The following TMEM260 variants were observed in gnomAD, a reference collection of about 807,000 sequenced individuals.
TMEM260 encodes the protein protein O-mannosyl-transferase TMEM260.
In TMEM260, 82 loss-of-function variants were observed where a neutral mutation model predicts 88.9. That is an observed-to-expected ratio of 0.92 (90% CI 0.77 to 1.11). The LOEUF is 1.11. Among genes scored for constraint, TMEM260 ranks in the 50% least tolerant of loss-of-function variants. The pLI is 0.00. For synonymous variants in TMEM260, 314 were observed against 309.3 expected (o/e 1.02, Z -0.16); for missense variants, 902 against 853.4 (o/e 1.06, Z -0.71).
the TMEM260 span, among the ~76,000 whole-genome samples, chr14:56,659,010 A>G: frequency 1.3e-5 from 2 of 152,228 alleles, no homozygotes; most frequent in Admixed American, 6.5e-5. Context: ...GATTACAGGC[A>G]TGAGCCATCA....
intron 3 of TMEM260, among the ~76,000 whole-genome samples, chr14:56,601,823 TG>T (rs1162744922): frequency 6.6e-6 from 1 of 152,154 alleles, no homozygotes; most frequent in East Asian, 1.9e-4. Context: ...CTCTTTAAGC[TG>T]GCTCCTGTGT....
chr14:56,595,688 A>C (rs994686647), intron 3 of TMEM260, among the ~76,000 whole-genome samples: 2 of 152,014 alleles, frequency 1.3e-5, no homozygotes, highest in Non-Finnish European at 2.9e-5. Context: ...AAATCTCACT[A>C]TGTTGCCCAG....
chr14:56,634,636 G>A (rs977878791), intron 13 of TMEM260, among the ~76,000 whole-genome samples: 3 of 152,150 alleles, frequency 2.0e-5, no homozygotes, highest in Non-Finnish European at 4.4e-5. Context: ...GAGGTCAGGA[G>A]TTTGAAACCA....
chr14:56,590,828 T>C (rs912233434), intron 3 of TMEM260, among the ~76,000 whole-genome samples: 1 of 152,226 alleles, frequency 6.6e-6, no homozygotes, highest in Non-Finnish European at 1.5e-5. Context: ...TAATTTGCCA[T>C]GGAGCTTGGA....
At chr14:56,630,800 A>G (rs1278037689) in intron 12 of TMEM260, among the ~76,000 whole-genome samples, 2 of 152,148 alleles carry the variant, frequency 1.3e-5, no homozygotes, top group Non-Finnish European at 2.9e-5. Flanking sequence ...TTAAATCCCA[A>G]GGAGAATGAT....
chr14:56,655,610 G>C, the TMEM260 span, among the ~76,000 whole-genome samples: 4 of 152,064 alleles, frequency 2.6e-5, no homozygotes, highest in African/African-American at 9.7e-5. Context: ...ATAAATAGTT[G>C]ATTTAAAGAG....
At chr14:56,655,142 A>G (rs1261982972), downstream of TMEM260, among the ~76,000 whole-genome samples, 1 of 152,158 alleles carries the variant, frequency 6.6e-6, no homozygotes, top group Non-Finnish European at 1.5e-5. Context: ...CTGTAATCCC[A>G]GCACTTTGGG....
At position 56,649,054 on chromosome 14, in the gene TMEM260, C is replaced by A. The variant is rs1425930527; in HGVS notation, c.*1557C>A. ...TCCATTCTCTGGATTTGAAGATGTC[C>A]ATTGGAGCCTGCAGTGCCTGGACAG... On this transcript the variant is annotated 3_prime_UTR_variant, in exon 16 of 16. Coordinates refer to ENST00000261556, the MANE Select transcript of TMEM260 (RefSeq NM_017799.4). The A allele has an allele frequency of 6.6e-6, 1 of 152,666 alleles. No homozygotes were observed. 9.5% of individuals were successfully genotyped at this position (152,666 alleles called of 1,614,324 possible).
intron 13 of TMEM260, 100 bp downstream of exon 13, chr14:56,633,271 T>A: frequency 1.1e-6 from 1 of 890,828 alleles, no homozygotes; most frequent in Non-Finnish European, 1.7e-6. Flanking sequence ...TTTTTTTTTA[T>A]TAATTGTTAA....
At chr14:56,592,257 T>A (rs997968668) in intron 3 of TMEM260, among the ~76,000 whole-genome samples, 2 of 152,208 alleles carry the variant, frequency 1.3e-5, no homozygotes, top group African/African-American at 4.8e-5. Context: ...GGAAATATTT[T>A]AAATTTTTTT....
At position 56,612,839 on chromosome 14, in the gene TMEM260, G is replaced by A. The variant is rs79813974; in HGVS notation, c.857+554G>A. 750 of 152,206 alleles carry A rather than the reference G, an allele frequency of 4.9e-3. 12 individuals are homozygous for A. Among genetic ancestry groups the A allele is most frequent in the Admixed American group, 0.043 (650 of 15,286 alleles). 9.4% of individuals were successfully genotyped at this position (152,206 alleles called of 1,614,324 possible). ...GCTTAAAATGAGCAATAAACACAAC[G>A]GTGAATATTAGAATACTATATAGAG... On this transcript the variant is annotated intron_variant, in intron 7 of 15. Transcript: ENST00000261556.
chr14:56,636,274 G>C (rs764653495), intron 14 of TMEM260, among the ~76,000 whole-genome samples: 1 of 152,094 alleles, frequency 6.6e-6, no homozygotes, highest in East Asian at 1.9e-4. Context: ...AGTGATAAGT[G>C]TAAGCTTTTT....
At position 56,636,598 on chromosome 14, in the gene TMEM260, C is replaced by T. The variant is rs151228858; in HGVS notation, c.1869C>T (p.Asp623=). 4.3e-4 allele frequency: 697 copies of T among 1,612,784 alleles called. No individual in the cohort carries two copies. The highest frequency in any genetic ancestry group is 1.4e-3 in the East Asian group (62 of 44,860). Residue 623 remains aspartate, a splice_region_variant and synonymous_variant, in exon 15 of 16, where the codon GAC becomes GAT. Coordinates refer to ENST00000261556, the MANE Select transcript of TMEM260 (RefSeq NM_017799.4). ...VKAQLYAQAY[D]LYKEIVYLQK... Reference sequence around the variant, plus strand: ...CTCAACTCTACGCTCAAGCATATGACGTATGTTACACTTTTATATGTAGAT... The same window carrying T: ...CTCAACTCTACGCTCAAGCATATGATGTATGTTACACTTTTATATGTAGAT...
At chr14:56,629,233 T>G (rs1417239807) in intron 12 of TMEM260, among the ~76,000 whole-genome samples, 1 of 151,514 alleles carries the variant, frequency 6.6e-6, no homozygotes, top group Non-Finnish European at 1.5e-5. Context: ...TTATTGAGAT[T>G]TTTTACTATA....
chr14:56,611,061 G>T (rs1226632878), intron 6 of TMEM260, among the ~76,000 whole-genome samples: 1 of 150,802 alleles, frequency 6.6e-6, no homozygotes, highest in African/African-American at 2.4e-5. Flanking sequence ...CCACCTCCTG[G>T]GTTCAAGTGA....
the TMEM260 span, among the ~76,000 whole-genome samples, chr14:56,659,583 G>T: frequency 1.3e-5 from 2 of 152,172 alleles, no homozygotes; most frequent in Admixed American, 6.5e-5. Flanking sequence ...GGGAGGCTCC[G>T]GAGAGGCCGA....
intron 15 of TMEM260, among the ~76,000 whole-genome samples, chr14:56,646,488 G>A (rs1175062794): frequency 3.3e-5 from 5 of 151,260 alleles, no homozygotes; most frequent in South Asian, 2.1e-4. Flanking sequence ...TTGTGTCTGC[G>A]TTTTTGTTTG....
At chr14:56,597,966 T>C (rs556929565) in intron 3 of TMEM260, among the ~76,000 whole-genome samples, 59 of 152,270 alleles carry the variant, frequency 3.9e-4, no homozygotes, top group African/African-American at 1.3e-3. Flanking sequence ...TTGTACATGT[T>C]GACATTGAGG....
intron 15 of TMEM260, among the ~76,000 whole-genome samples, chr14:56,642,725 G>GT (rs1057251048): frequency 6.6e-6 from 1 of 152,128 alleles, no homozygotes; most frequent in African/African-American, 2.4e-5. Context: ...CCAGGAGCTG[G>GT]TTTTTTGAAA....
Sources: allele counts gnomAD v4.1 joint callset (sites outside exome capture counted in the v4.1 genomes callset), GRCh38; gene constraint gnomAD v4.1.1; transcripts MANE v1.5; gene names NCBI Gene and HGNC (gene_info 2026-07-23, HGNC 2026-07-21).